The following L3MBTL4 variants were observed in gnomAD, a reference collection of about 807,000 sequenced individuals.
The protein encoded by L3MBTL4 is L3MBTL histone methyl-lysine binding protein 4.
In L3MBTL4, 70 loss-of-function variants were observed where a neutral mutation model predicts 84.5. The observed-to-expected ratio is 0.83, with a 90% CI of 0.68 to 1.01. L3MBTL4 has a LOEUF of 1.01. Ranked by LOEUF, L3MBTL4 falls within the 50% of genes least tolerant of loss-of-function variation. The pLI, the probability that L3MBTL4 is intolerant of heterozygous loss-of-function variation, is 0.00. For synonymous variants in L3MBTL4, 274 were observed against 259.8 expected (o/e 1.05, Z -0.52); for missense variants, 715 against 754.8 (o/e 0.95, Z 0.62).
chr18:6,399,841 T>C (rs898320706), intron 1 of L3MBTL4: 3 of 152,210 alleles, frequency 2.0e-5, no homozygotes, highest in African/African-American at 7.2e-5. Context: ...AATTCTGAGT[T>C]TTTGATTACC....
At chr18:6,193,148 G>A (rs2045203939) in intron 12 of L3MBTL4, among the ~76,000 whole-genome samples, 1 of 152,014 alleles carries the variant, frequency 6.6e-6, no homozygotes, top group Non-Finnish European at 1.5e-5. Context: ...CTGAAGTCAA[G>A]TGGAGGGCAA....
At chr18:6,382,976 C>G (rs1294682034) in intron 1 of L3MBTL4, among the ~76,000 whole-genome samples, 1 of 152,176 alleles carries the variant, frequency 6.6e-6, no homozygotes, top group Non-Finnish European at 1.5e-5. Flanking sequence ...AAGTCCCTGA[C>G]TGGGGCTTTG....
intron 18 of L3MBTL4, among the ~76,000 whole-genome samples, chr18:5,958,237 C>T (rs2095244595): frequency 6.6e-6 from 1 of 152,116 alleles, no homozygotes; most frequent in African/African-American, 2.4e-5. Flanking sequence ...TAGAATTACC[C>T]TGGGACCCCA....
At chr18:6,001,329 T>A (rs937873668) in intron 16 of L3MBTL4, among the ~76,000 whole-genome samples, 1 of 152,138 alleles carries the variant, frequency 6.6e-6, no homozygotes, top group African/African-American at 2.4e-5. Context: ...TTAAAAGCAA[T>A]AACATATACA....
chr18:6,239,673 C>T (rs762834459), intron 9 of L3MBTL4, 45 bp downstream of exon 9: 27 of 1,585,550 alleles, frequency 1.7e-5, no homozygotes, highest in Non-Finnish European at 2.3e-5. Context: ...TTCTTAACAT[C>T]AAACATATGA....
chr18:6,303,883 G>A (rs976218898), intron 3 of L3MBTL4, among the ~76,000 whole-genome samples: 9 of 151,868 alleles, frequency 5.9e-5, no homozygotes, highest in African/African-American at 7.3e-5. Context: ...GCGTAGTGGC[G>A]GGCACCTGTA....
rs556192859 is a variant in L3MBTL4, at chr18:6,210,955, A to G, written c.981+2194T>C. 5.3e-5 allele frequency among the ~76,000 whole-genome samples: 8 copies of G among 152,348 alleles called. 1 individual carries two copies. Among genetic ancestry groups the G allele is most frequent in the African/African-American group, 9.6e-5 (4 of 41,590 alleles). On this transcript the variant is annotated intron_variant, in intron 12 of 18. Transcript: ENST00000317931. ...AGCAGCAGCTACTGCTGAAGTACCTATAATATAAAGAGCCAGGTAGAGTTT... is the reference window on the plus strand; with the variant it reads ...AGCAGCAGCTACTGCTGAAGTACCTGTAATATAAAGAGCCAGGTAGAGTTT...
chr18:6,347,648 GA>G (rs1364574228), intron 1 of L3MBTL4, among the ~76,000 whole-genome samples: 2 of 151,346 alleles, frequency 1.3e-5, no homozygotes, highest in Non-Finnish European at 3.0e-5. Context: ...TTATGAAACA[GA>G]AATAGACAAG....
At chr18:6,234,497 G>A (rs2047133394) in intron 10 of L3MBTL4, among the ~76,000 whole-genome samples, 1 of 152,136 alleles carries the variant, frequency 6.6e-6, no homozygotes, top group South Asian at 2.1e-4. Context: ...CCATCAAAAA[G>A]TGGGCAAAGA....
intron 1 of L3MBTL4, among the ~76,000 whole-genome samples, chr18:6,366,820 T>C (rs777312472): frequency 2.0e-5 from 3 of 152,252 alleles, no homozygotes; most frequent in African/African-American, 2.4e-5. Context: ...CCTGCCTTTT[T>C]CCAAAACATT....
intron 4 of L3MBTL4, among the ~76,000 whole-genome samples, chr18:6,293,623 A>C (rs1396375109): frequency 3.3e-5 from 5 of 152,260 alleles, no homozygotes; most frequent in Non-Finnish European, 7.3e-5. Context: ...TTGTGACTTT[A>C]TAGTGGAAAA....
At chr18:6,339,099 GC>G (rs1003452923) in intron 1 of L3MBTL4, among the ~76,000 whole-genome samples, 2 of 152,024 alleles carry the variant, frequency 1.3e-5, no homozygotes, top group African/African-American at 4.8e-5. Context: ...AACCAGATCC[GC>G]CCCTTCCGCC....
At chr18:6,133,554 C>T (rs1328523897) in intron 14 of L3MBTL4, among the ~76,000 whole-genome samples, 1 of 152,050 alleles carries the variant, frequency 6.6e-6, no homozygotes, top group Non-Finnish European at 1.5e-5. Context: ...CTCCTCCCCT[C>T]ACAGAGCACT....
Position 6,080,966 on chromosome 18 carries a change from G to A in L3MBTL4, c.1374-15C>T. ...GCTGTACAAGTCTGGGCAAAGAACA[G>A]AAATAAAATCTAGATTCATTATCCT... On this transcript the variant is annotated splice_polypyrimidine_tract_variant and intron_variant, in intron 15 of 18. Coordinates refer to ENST00000317931, the MANE Select transcript of L3MBTL4 (RefSeq NM_001330559.2). 1 of 1,581,098 alleles carries A rather than the reference G, an allele frequency of 6.3e-7. No homozygotes were observed.
chr18:6,414,116 C>G lies in L3MBTL4; in HGVS notation c.-91+685G>C, dbSNP rs1047301409. The G allele has an allele frequency of 6.6e-6, 1 of 152,298 alleles. No homozygotes were observed. Among genetic ancestry groups the G allele is most frequent in the African/African-American group, 2.4e-5 (1 of 41,474 alleles). The allele number at this position is 152,298 out of a possible 1,614,324, so 9.4% of individuals were successfully genotyped here. A position where few individuals can be genotyped will look rare whatever the true frequency, so the allele number is the denominator to read the frequency against. On this transcript the variant is annotated intron_variant, in intron 1 of 18. Transcript: ENST00000317931. This position sits in a 1 kb window ranked among gnomAD's most constrained non-coding sequence, Gnocchi z 5.4. Reference sequence around the variant, plus strand: ...AGGGCGACTGTGGCCGGCGCGCCCCCCGCAGTTCCAGGCGGTGGCAGGAGC... The same window carrying G: ...AGGGCGACTGTGGCCGGCGCGCCCCGCGCAGTTCCAGGCGGTGGCAGGAGC...
intron 16 of L3MBTL4, chr18:6,031,413 CT>C: frequency 7.1e-6 from 7 of 985,454 alleles, no homozygotes; most frequent in Non-Finnish European, 8.4e-6. Context: ...GGCCGTCTAA[CT>C]TCTGAACATT....
At chr18:6,124,055 GC>G (rs1416391773) in intron 14 of L3MBTL4, among the ~76,000 whole-genome samples, 2 of 152,172 alleles carry the variant, frequency 1.3e-5, no homozygotes, top group Non-Finnish European at 2.9e-5. Context: ...CAGAAAAGCT[GC>G]CCAGGAGGCA....
chr18:6,407,491 A>G (rs1485079712), intron 1 of L3MBTL4, among the ~76,000 whole-genome samples: 2 of 152,240 alleles, frequency 1.3e-5, no homozygotes, highest in South Asian at 2.1e-4. Flanking sequence ...ATTCACCTTT[A>G]TGATATCAAA....
chr18:6,288,716 A>T (rs992762382), intron 4 of L3MBTL4, among the ~76,000 whole-genome samples: 6 of 151,406 alleles, frequency 4.0e-5, no homozygotes, highest in African/African-American at 1.2e-4. Context: ...ATTGGTTAAT[A>T]AAAAAAAACT....
Sources: allele counts gnomAD v4.1 joint callset (sites outside exome capture counted in the v4.1 genomes callset), GRCh38; gene constraint gnomAD v4.1.1; non-coding constraint Gnocchi (gnomAD v3.1); transcripts MANE v1.5; gene names NCBI Gene and HGNC (gene_info 2026-07-23, HGNC 2026-07-21).